CA10: variants seen among roughly 807,000 people sequenced by gnomAD.
CA10 encodes the protein carbonic anhydrase 10 (inactive).
Under a neutral mutation model 44.2 loss-of-function variants are expected in CA10, and 14 were observed. That is an observed-to-expected ratio of 0.32 (90% CI 0.21 to 0.50). The LOEUF is 0.50. CA10 is among the 20% of genes least tolerant of loss of function. The probability of loss-of-function intolerance (pLI) is 0.99; values close to 1 mark genes in which losing one functional copy is unlikely to be tolerated. For synonymous variants in CA10, 159 were observed against 141.6 expected, an observed-to-expected ratio of 1.12 and a Z score of -0.87; for missense variants, 350 against 409.7, an observed-to-expected ratio of 0.85 and a Z score of 1.26.
intron 1 of CA10, among the ~76,000 whole-genome samples, chr17:52,076,065 C>G (rs970067187): frequency 6.6e-6 from 1 of 152,150 alleles, no homozygotes; most frequent in African/African-American, 2.4e-5. Flanking sequence ...AAAGCTAACT[C>G]TAATAAAACC....
At chr17:51,755,923 T>G (rs1252445938) in intron 3 of CA10, among the ~76,000 whole-genome samples, 2 of 152,204 alleles carry the variant, frequency 1.3e-5, no homozygotes, top group African/African-American at 4.8e-5. Context: ...TCAGTGACCA[T>G]GTACATTTCA....
intron 2 of CA10, among the ~76,000 whole-genome samples, chr17:52,012,357 A>G (rs994324823): frequency 2.6e-5 from 4 of 152,010 alleles, no homozygotes; most frequent in Non-Finnish European, 5.9e-5. Context: ...CAAAGAATGA[A>G]TATGGATCTG....
chr17:51,729,521 A>G (rs780875366), intron 4 of CA10, among the ~76,000 whole-genome samples: 22 of 152,186 alleles, frequency 1.4e-4, no homozygotes, highest in Non-Finnish European at 2.9e-4. Context: ...TGAAAAGCCA[A>G]TAGGCAACTG....
In CA10 at chr17:52,072,385, T is replaced by G. The variant is rs1380792053; in HGVS notation, c.70A>C (p.Asn24His). The change falls in exon 2 of 9, where the codon AAT becomes CAT. Residue 24 changes from asparagine (N) to histidine (H), a missense_variant. By Grantham distance (68) the Asn-to-His change is moderately conservative. Transcript: ENST00000451037. ...CAGCCTTCATGGATTTTTGGTGAAT[T>G]CTGTTGAGCTAAAGGAAAAGCAAAG... ...NFIVCISAQQ[N>H]SPKIHEGWWA... 3 of 1,612,678 alleles carry G rather than the reference T, an allele frequency of 1.9e-6. No individual in the cohort carries two copies. The highest frequency in any genetic ancestry group is 2.5e-6 in the Non-Finnish European group (3 of 1,178,946).
intron 2 of CA10, among the ~76,000 whole-genome samples, chr17:51,985,049 A>T (rs1245723396): frequency 6.6e-6 from 1 of 152,020 alleles, no homozygotes; most frequent in Non-Finnish European, 1.5e-5. Context: ...CAAACCAGGA[A>T]AGGACATAAC....
chr17:52,063,458 T>C (rs1987446278), intron 2 of CA10, among the ~76,000 whole-genome samples: 1 of 152,188 alleles, frequency 6.6e-6, no homozygotes, highest in Non-Finnish European at 1.5e-5. Context: ...ATGTTGAAAT[T>C]TGATTCGCAA....
intron 4 of CA10, among the ~76,000 whole-genome samples, chr17:51,737,397 T>A (rs779345702): frequency 2.0e-5 from 3 of 151,478 alleles, no homozygotes; most frequent in Non-Finnish European, 4.4e-5. Context: ...TATCTTCAGT[T>A]TGGGCTAGAT....
chr17:51,911,119 C>T (rs1981772907), intron 3 of CA10, among the ~76,000 whole-genome samples: 1 of 152,124 alleles, frequency 6.6e-6, no homozygotes, highest in Non-Finnish European at 1.5e-5. Context: ...CTTGCCCCTC[C>T]AGGCGCTTTT....
At chr17:51,932,603 C>A (rs986565246) in intron 2 of CA10, among the ~76,000 whole-genome samples, 2 of 152,056 alleles carry the variant, frequency 1.3e-5, no homozygotes, top group African/African-American at 2.4e-5. Context: ...TCTGGTAGAC[C>A]ATTTCCTTTA....
chr17:51,649,066 T>G (rs985596744), intron 6 of CA10, 116 bp downstream of exon 6: 2 of 698,260 alleles, frequency 2.9e-6, no homozygotes, highest in African/African-American at 3.6e-5. Flanking sequence ...TCTACAGAAC[T>G]GCAGGATCAT....
At chr17:52,020,837 A>G (rs144634730) in intron 2 of CA10, among the ~76,000 whole-genome samples, 1 of 151,916 alleles carries the variant, frequency 6.6e-6, no homozygotes, top group African/African-American at 2.4e-5. Flanking sequence ...CCCTAGTTCT[A>G]TTGTTGCCAT....
chr17:52,033,077 C>A (rs1986515955), intron 2 of CA10, among the ~76,000 whole-genome samples: 2 of 152,010 alleles, frequency 1.3e-5, no homozygotes, highest in African/African-American at 4.8e-5. Flanking sequence ...GGAAGGTGGG[C>A]CACCAGAGGT....
chr17:51,717,823 G>GCA (rs1916201314), intron 4 of CA10, among the ~76,000 whole-genome samples: 1 of 9,970 alleles, frequency 1.0e-4, no homozygotes, highest in African/African-American at 3.7e-4. Flanking sequence ...GTATATATAT[G>GCA]TGTGTGTATA....
intron 4 of CA10, 103 bp from the exon 5 acceptor site, chr17:51,653,839 G>A (rs1319023660): frequency 1.5e-6 from 1 of 684,230 alleles, no homozygotes; most frequent in Non-Finnish European, 2.7e-6. Context: ...AGTATATTGA[G>A]GAACAATTTG....
chr17:52,146,652 C>T (rs1440833120), intron 1 of CA10, among the ~76,000 whole-genome samples: 2 of 151,748 alleles, frequency 1.3e-5, no homozygotes, highest in African/African-American at 4.8e-5. Flanking sequence ...ATCCCACCGA[C>T]AGAGCGAGAC....
chr17:51,694,031 C>T (rs1915314172), intron 4 of CA10, among the ~76,000 whole-genome samples: 1 of 151,980 alleles, frequency 6.6e-6, no homozygotes, highest in East Asian at 1.9e-4. Flanking sequence ...ATGGAGAAAT[C>T]CTGTCTCTAC....
At chr17:51,974,605 A>G (rs952511298) in intron 2 of CA10, among the ~76,000 whole-genome samples, 1 of 152,072 alleles carries the variant, frequency 6.6e-6, no homozygotes, top group Non-Finnish European at 1.5e-5. Context: ...GAAATGCTAG[A>G]AGGAGAAGAG....
intron 3 of CA10, among the ~76,000 whole-genome samples, chr17:51,757,774 C>T (rs1905117698): frequency 6.6e-6 from 1 of 152,102 alleles, no homozygotes. Flanking sequence ...TGCTATGTAG[C>T]TTTCATAGTA....
chr17:52,076,946 C>T (rs947788323), intron 1 of CA10, among the ~76,000 whole-genome samples: 1 of 152,064 alleles, frequency 6.6e-6, no homozygotes, highest in Non-Finnish European at 1.5e-5. Flanking sequence ...TAATGTGCAA[C>T]CAGCCCCTGG....
Sources: allele counts gnomAD v4.1 joint callset (sites outside exome capture counted in the v4.1 genomes callset), GRCh38; gene constraint gnomAD v4.1.1; transcripts MANE v1.5; gene names NCBI Gene and HGNC (gene_info 2026-07-23, HGNC 2026-07-21).